IGF1R: variants seen among roughly 807,000 people sequenced by gnomAD.
IGF1R encodes the protein insulin-like growth factor 1 receptor.
In IGF1R, 44 loss-of-function variants were observed where a neutral mutation model predicts 144.6. That is an observed-to-expected ratio of 0.30 (90% CI 0.24 to 0.39). IGF1R has a LOEUF of 0.39. Among genes scored for constraint, IGF1R ranks in the 10% least tolerant of loss-of-function variants. The pLI is 1.00. For synonymous variants in IGF1R, 795 were observed against 722.8 expected (o/e 1.10, Z -1.60); for missense variants, 1,355 against 1,833.7 (o/e 0.74, Z 4.77).
At position 98,960,806 on chromosome 15, in the gene IGF1R, T is replaced by C. The variant is rs886051594; in HGVS notation, c.*3364T>C. On this transcript the variant is annotated 3_prime_UTR_variant, in exon 21 of 21. Transcript: ENST00000650285. ...TCCCCTCCCCCTCCAGGCTGCCCTC[T>C]CAACTTCTCCCTCACCTCCTTCCCT... The C allele has an allele frequency of 1.7e-5, 4 of 233,732 alleles. No individual in the cohort carries two copies. Among genetic ancestry groups the C allele is most frequent in the Admixed American group, 5.6e-5 (1 of 17,774 alleles). 14.5% of individuals were successfully genotyped at this position (233,732 alleles called of 1,614,324 possible). A position where few individuals can be genotyped will look rare whatever the true frequency, so the allele number is the denominator to read the frequency against.
intron 1 of IGF1R, among the ~76,000 whole-genome samples, chr15:98,667,308 T>A (rs2052767794): frequency 6.6e-6 from 1 of 152,222 alleles, no homozygotes; most frequent in Non-Finnish European, 1.5e-5. Flanking sequence ...TGATTATGAT[T>A]ATACTGGAAG....
chr15:98,806,793 A>T (rs1163338915), intron 2 of IGF1R, among the ~76,000 whole-genome samples: 2 of 152,176 alleles, frequency 1.3e-5, no homozygotes, highest in African/African-American at 4.8e-5. Flanking sequence ...AGGCCCATAC[A>T]TCCATAAAAC....
chr15:98,821,668 C>T (rs1297973930), intron 2 of IGF1R, among the ~76,000 whole-genome samples: 1 of 152,154 alleles, frequency 6.6e-6, no homozygotes, highest in Non-Finnish European at 1.5e-5. Flanking sequence ...ACTCTCTTAC[C>T]TTGATTAGTG....
chr15:98,655,888 G>A (rs930002553), intron 1 of IGF1R, among the ~76,000 whole-genome samples: 2 of 152,074 alleles, frequency 1.3e-5, no homozygotes, highest in African/African-American at 2.4e-5. Context: ...TGTATTTTTA[G>A]TACAGACGAG....
intron 2 of IGF1R, among the ~76,000 whole-genome samples, chr15:98,730,891 G>T: frequency 6.6e-6 from 1 of 151,896 alleles, no homozygotes. Flanking sequence ...CATCATTGTA[G>T]TCACCGATGA....
intron 1 of IGF1R, among the ~76,000 whole-genome samples, chr15:98,665,405 C>T (rs1480054114): frequency 6.6e-6 from 1 of 152,126 alleles, no homozygotes; most frequent in African/African-American, 2.4e-5. Context: ...ATTTGGATTC[C>T]AAGGCCCTTT....
chr15:98,731,370 A>G (rs2054492810), intron 2 of IGF1R, among the ~76,000 whole-genome samples: 1 of 152,154 alleles, frequency 6.6e-6, no homozygotes, highest in South Asian at 2.1e-4. Flanking sequence ...CTATCCATGT[A>G]ATTATTAACC....
rs1386736681 is a variant in IGF1R at position 98,768,956 on chromosome 15, AC to A, written c.640+60850del. ...AACAACAACAACAACAACAACAACA[AC>A]AACACCTCACAACCCTGGTCTCCCA... On this transcript the variant is annotated intron_variant, in intron 2 of 20. Transcript: ENST00000650285. 4.5e-3 allele frequency among the ~76,000 whole-genome samples: 481 copies of A among 106,458 alleles called. 3 individuals are homozygous for A. The highest frequency in any genetic ancestry group is 0.039 in the Middle Eastern group (7 of 178). 69.8% of individuals were successfully genotyped at this position (106,458 alleles called of 152,430 possible).
chr15:98,947,631 A>T (rs2016601830), intron 19 of IGF1R, among the ~76,000 whole-genome samples: 1 of 152,158 alleles, frequency 6.6e-6, no homozygotes, highest in Non-Finnish European at 1.5e-5. Context: ...CTTTTTTAAC[A>T]TTCTGTCTGA....
chr15:98,894,526 G>A (rs1002650688), intron 3 of IGF1R, among the ~76,000 whole-genome samples: 1 of 152,166 alleles, frequency 6.6e-6, no homozygotes, highest in Admixed American at 6.5e-5. Flanking sequence ...TACTTGGATG[G>A]ATCTCAAGGA....
chr15:98,766,227 A>C (rs931265384), intron 2 of IGF1R, among the ~76,000 whole-genome samples: 1 of 152,220 alleles, frequency 6.6e-6, no homozygotes, highest in African/African-American at 2.4e-5. Flanking sequence ...CTAAAGCTTA[A>C]GTAAATTCAG....
chr15:98,809,811 G>A (rs1193942884), intron 2 of IGF1R, among the ~76,000 whole-genome samples: 5 of 152,136 alleles, frequency 3.3e-5, no homozygotes, highest in African/African-American at 1.2e-4. Flanking sequence ...GGTTCCGGAG[G>A]GTTTCCCACT....
chr15:98,649,971 G>C (rs1280373114), intron 1 of IGF1R, among the ~76,000 whole-genome samples: 1 of 152,168 alleles, frequency 6.6e-6, no homozygotes, highest in Non-Finnish European at 1.5e-5. Flanking sequence ...GCGAGGACTC[G>C]GTAGGGAAGT....
At chr15:98,654,431 A>G (rs182494506) in intron 1 of IGF1R, among the ~76,000 whole-genome samples, 36 of 152,358 alleles carry the variant, frequency 2.4e-4, no homozygotes, top group African/African-American at 7.9e-4. Context: ...TCTGGATTAC[A>G]TATTGCTTAG....
intron 2 of IGF1R, among the ~76,000 whole-genome samples, chr15:98,828,250 C>T (rs980318578): frequency 6.6e-5 from 10 of 152,152 alleles, no homozygotes; most frequent in African/African-American, 1.2e-4. Flanking sequence ...ACAGTCAGAC[C>T]GTCAGCTTCA....
At chr15:98,792,994 TC>T (rs1197189920) in intron 2 of IGF1R, among the ~76,000 whole-genome samples, 18 of 152,276 alleles carry the variant, frequency 1.2e-4, no homozygotes, top group African/African-American at 4.1e-4. Context: ...TTTTTTTTCT[TC>T]CTCCTGAAAA....
In IGF1R at chr15:98,896,911, T is replaced by C. The variant is rs759234844; in HGVS notation, c.1102+6T>C. On this transcript the variant is annotated splice_donor_region_variant and intron_variant, in intron 4 of 20. Transcript: ENST00000650285. The stretch of plus-strand genomic sequence containing the variant: ...CATTAACATCCGACGGGGGAGTAAG[T>C]ATTCCATCCCCCTGGAAAAACGGCT... 1.2e-5 allele frequency: 20 copies of C among 1,613,816 alleles called. No homozygotes were observed. The highest frequency in any genetic ancestry group is 1.5e-5 in the Non-Finnish European group (18 of 1,179,936).
At chr15:98,855,533 T>A (rs1160343992) in intron 2 of IGF1R, among the ~76,000 whole-genome samples, 1 of 152,250 alleles carries the variant, frequency 6.6e-6, no homozygotes, top group Non-Finnish European at 1.5e-5. Context: ...ACTAGGGACT[T>A]GATTAATATT....
At position 98,964,035 on chromosome 15, in the gene IGF1R, G is replaced by A. The variant is rs1054367979; in HGVS notation, c.*6593G>A. 2.6e-5 allele frequency: 6 copies of A among 232,954 alleles called. No homozygotes were observed. Among genetic ancestry groups the A allele is most frequent in the East Asian group, 6.1e-5 (1 of 16,500 alleles). 14.4% of individuals were successfully genotyped at this position (232,954 alleles called of 1,614,324 possible). A position where few individuals can be genotyped will look rare whatever the true frequency, so the allele number is the denominator to read the frequency against. On this transcript the variant is annotated 3_prime_UTR_variant, in exon 21 of 21. Coordinates refer to ENST00000650285, the MANE Select transcript of IGF1R (RefSeq NM_000875.5). ...ACACACATCCACCGGTGGAAGAGAC[G>A]CCCGGTGAAAACACCTGTCTGCTTT...
Sources: gnomAD v4.1 joint callset for allele counts (sites outside exome capture counted in the v4.1 genomes callset) on GRCh38, gnomAD v4.1.1 for gene constraint, MANE v1.5 for transcripts, NCBI Gene and HGNC (gene_info 2026-07-23, HGNC 2026-07-21) for gene names.